The following FNDC8 variants were observed in gnomAD, a reference collection of about 807,000 sequenced individuals.
The protein encoded by FNDC8 is fibronectin type III domain containing 8, also known as fibronectin type III domain-containing protein 8.
In FNDC8, 23 loss-of-function variants were observed where a neutral mutation model predicts 24.8. The observed-to-expected ratio is 0.93, with a 90% CI of 0.67 to 1.31. FNDC8 has a LOEUF of 1.31. FNDC8 is among the 40% of genes most tolerant of loss of function. The pLI is 0.00. For synonymous variants in FNDC8, 158 were observed against 165.3 expected (o/e 0.96, Z 0.34); for missense variants, 371 against 398.2 (o/e 0.93, Z 0.58).
intron 1 of FNDC8, 58 bp downstream of exon 1, chr17:35,121,960 T>G: frequency 8.8e-7 from 1 of 1,139,970 alleles, no homozygotes; most frequent in Non-Finnish European, 1.2e-6. Context: ...CCTTCCTCCC[T>G]TCCTTCCTCC....
At position 35,127,243 on chromosome 17, in the gene FNDC8, C is replaced by T. The variant is rs144084758; in HGVS notation, c.411C>T (p.Leu137=). 4.4e-5 allele frequency: 71 copies of T among 1,613,536 alleles called. No homozygotes were observed. Among genetic ancestry groups the T allele is most frequent in the African/African-American group, 1.5e-4 (11 of 74,936 alleles). The change falls in exon 2 of 4, where the codon CTC becomes CTT. Residue 137 remains leucine, a synonymous_variant. Transcript: ENST00000158009. ...ATGCAGAAAATGAGGACCTGGCGCT[C>T]GGCCCCTGCCCATGCCCATCGAAGT... The part of the protein sequence containing the change: ...AKNAENEDLA[L]GPCPCPSKSQ...
At chr17:35,130,212 A>G (rs2091868132) in intron 3 of FNDC8, 70 bp from the exon 4 acceptor site, 3 of 1,564,528 alleles carry the variant, frequency 1.9e-6, no homozygotes, top group Admixed American at 1.9e-5. Context: ...AAAAGGGGTG[A>G]TAGAGACAGA....
intron 2 of FNDC8, among the ~76,000 whole-genome samples, chr17:35,128,311 C>T (rs911583561): frequency 2.6e-5 from 4 of 152,240 alleles, no homozygotes; most frequent in Admixed American, 2.6e-4. Flanking sequence ...TTTGGGCCTC[C>T]TGAGTCAGAA....
At chr17:35,122,020 T>A in intron 1 of FNDC8, 118 bp downstream of exon 1, 1 of 785,198 alleles carries the variant, frequency 1.3e-6, no homozygotes, top group Non-Finnish European at 2.0e-6. Context: ...GATCTTGCTT[T>A]GTCACCCAGG....
rs146757908 is a variant in FNDC8, at chr17:35,130,341, C to A, written c.882C>A (p.Thr294=). 3 of 1,614,112 alleles carry A rather than the reference C, an allele frequency of 1.9e-6. No individual in the cohort carries two copies. In the East Asian group the frequency reaches 6.7e-5, roughly 36 times the overall value. Reference sequence around the variant, plus strand: ...CTGAGAACTACCCCATCCAGATCACCGTGCGGCGCAAGGAACCCCGGCAAA... The same window carrying A: ...CTGAGAACTACCCCATCCAGATCACAGTGCGGCGCAAGGAACCCCGGCAAA... ...SFPENYPIQI[T]VRRKEPRQKI... is the part of the protein sequence containing the mutation. The change falls in exon 4 of 4, where the codon ACC becomes ACA. Residue 294 remains threonine (T), a synonymous_variant. Coordinates refer to ENST00000158009, the MANE Select transcript of FNDC8 (RefSeq NM_017559.4).
intron 1 of FNDC8, among the ~76,000 whole-genome samples, chr17:35,126,223 A>T (rs2091848642): frequency 6.6e-6 from 1 of 152,106 alleles, no homozygotes; most frequent in Admixed American, 6.6e-5. Context: ...CGCCTGGCCC[A>T]TATATGTATT....
rs117263335 is a variant in FNDC8, at chr17:35,124,034, C to A, written c.209+2132C>A. 9.2e-3 allele frequency among the ~76,000 whole-genome samples: 1,397 copies of A among 152,292 alleles called. 24 individuals carry two copies. Among genetic ancestry groups the A allele is most frequent in the African/African-American group, 0.031 (1,289 of 41,554 alleles). On this transcript the variant is annotated intron_variant, in intron 1 of 3. Transcript: ENST00000158009. ...GGGGGAATCATTTATTCCAAATGTC[C>A]ACCAAGCGCTAGCATAGGGGATCTG...
intron 1 of FNDC8, among the ~76,000 whole-genome samples, chr17:35,125,358 G>T (rs745576274): frequency 6.6e-6 from 1 of 150,538 alleles, no homozygotes; most frequent in East Asian, 2.0e-4. Context: ...CGGATGGCTT[G>T]AGCCTGGGAG....
At chr17:35,125,706 T>C (rs1231260545) in intron 1 of FNDC8, among the ~76,000 whole-genome samples, 1 of 152,206 alleles carries the variant, frequency 6.6e-6, no homozygotes, top group African/African-American at 2.4e-5. Flanking sequence ...TCATTACTTG[T>C]CGGTCGAAGG....
In FNDC8 at chr17:35,126,497, C is replaced by CATTTTTTTTTTTTTTTTTT. The variant is rs1555571324; in HGVS notation, c.210-545_210-544insATTTTTTTTTTTTTTTTTT. On this transcript the variant is annotated intron_variant, in intron 1 of 3. Transcript: ENST00000158009. ...AACACTTGCATCAGGATTTTCTAAG[C>CATTTTTTTTTTTTTTTTTT]TTTTTTTTTTTTTTTTTTTTTTTGA... Among the ~76,000 whole-genome samples, 3 of 112,046 alleles carry CATTTTTTTTTTTTTTTTTT rather than the reference C, an allele frequency of 2.7e-5. 1 individual carries two copies. The allele number at this position is 112,046 out of a possible 152,430, so 73.5% of individuals were successfully genotyped here.
intron 1 of FNDC8, 27 bp from the exon 2 acceptor site, chr17:35,127,015 A>T (rs1448254981): frequency 6.4e-7 from 1 of 1,551,602 alleles, no homozygotes; most frequent in African/African-American, 1.4e-5. Flanking sequence ...CCTTCATCTG[A>T]TTCACCTGTC....
intron 1 of FNDC8, 116 bp from the exon 2 acceptor site, chr17:35,126,926 A>G: frequency 7.5e-7 from 1 of 1,328,114 alleles, no homozygotes; most frequent in Non-Finnish European, 1.0e-6. Flanking sequence ...AGGCTGTTCC[A>G]AGCTGTTTGC....
chr17:35,123,759 A>AC (rs1491503649), intron 1 of FNDC8, among the ~76,000 whole-genome samples: 3 of 150,542 alleles, frequency 2.0e-5, no homozygotes. Flanking sequence ...ACAAAACAAA[A>AC]CAAAAAAAAA....
At position 35,130,584 on chromosome 17, in the gene FNDC8, C is replaced by A; in HGVS notation, c.*150C>A. The A allele has an allele frequency of 2.4e-6, 2 of 828,996 alleles. No homozygotes were observed. The highest frequency in any genetic ancestry group is 3.7e-6 in the Non-Finnish European group (2 of 547,072). 51.4% of individuals were successfully genotyped at this position (828,996 alleles called of 1,614,324 possible). A position where few individuals can be genotyped will look rare whatever the true frequency, so the allele number is the denominator to read the frequency against. On this transcript the variant is annotated 3_prime_UTR_variant, in exon 4 of 4. Transcript: ENST00000158009. ...GGGCACCCCACCCCTGGGCTGGGGCCAAGGCTACATAGGGGCCCCATTCAC... is the reference window on the plus strand; with the variant it reads ...GGGCACCCCACCCCTGGGCTGGGGCAAAGGCTACATAGGGGCCCCATTCAC...
chr17:35,126,782 G>C (rs2091850830), intron 1 of FNDC8, among the ~76,000 whole-genome samples: 1 of 152,232 alleles, frequency 6.6e-6, no homozygotes, highest in Admixed American at 6.5e-5. Flanking sequence ...TTATAGGCGT[G>C]AGCCACTGCG....
Position 35,129,471 on chromosome 17 carries a change from T to A in FNDC8, c.635T>A (p.Leu212His). ...LGKQPVSFYQ[L>H]LLQEVAKTQE... is the part of the protein sequence containing the mutation. The stretch of plus-strand genomic sequence containing the variant: ...AAGCAGCCGGTCAGTTTCTACCAGC[T>A]CCTGTTACAGGAGGTGGCCAAGACA... The change falls in exon 3 of 4, where the codon CTC becomes CAC. Residue 212 changes from leucine to histidine, a missense_variant. By Grantham distance (99) the Leu-to-His change is moderately conservative. Coordinates refer to ENST00000158009, the MANE Select transcript of FNDC8 (RefSeq NM_017559.4). The A allele has an allele frequency of 1.9e-6, 3 of 1,614,138 alleles. No homozygotes were observed. The highest frequency in any genetic ancestry group is 2.5e-6 in the Non-Finnish European group (3 of 1,180,020).
At chr17:35,123,216 G>C (rs563422098) in intron 1 of FNDC8, among the ~76,000 whole-genome samples, 1 of 152,266 alleles carries the variant, frequency 6.6e-6, no homozygotes, top group Non-Finnish European at 1.5e-5. Context: ...TTTGAATAAG[G>C]GGCTCAGGGT....
At chr17:35,123,296 A>G (rs1405453034) in intron 1 of FNDC8, among the ~76,000 whole-genome samples, 1 of 152,152 alleles carries the variant, frequency 6.6e-6, no homozygotes, top group African/African-American at 2.4e-5. Context: ...TGTGGTGTCC[A>G]TTCCCCAAAG....
chr17:35,129,095 A>C (rs1459848978), intron 2 of FNDC8: 1 of 246,808 alleles, frequency 4.1e-6, no homozygotes, highest in Non-Finnish European at 8.0e-6. Context: ...CTCGCCCACC[A>C]ATCTCCTCCT....
Sources: allele counts gnomAD v4.1 joint callset (sites outside exome capture counted in the v4.1 genomes callset), GRCh38; gene constraint gnomAD v4.1.1; transcripts MANE v1.5; gene names NCBI Gene and HGNC (gene_info 2026-07-23, HGNC 2026-07-21).